The following RABGAP1L variants were observed in gnomAD, a reference collection of about 807,000 sequenced individuals.
The protein encoded by RABGAP1L is rab GTPase-activating protein 1-like.
In RABGAP1L, 63 loss-of-function variants were observed where a neutral mutation model predicts 137.7. The observed-to-expected ratio is 0.46, with a 90% CI of 0.37 to 0.56. The LOEUF is 0.56. RABGAP1L is among the 20% of genes least tolerant of loss of function. The pLI, the probability that RABGAP1L is intolerant of heterozygous loss-of-function variation, is 0.00. For missense variants in RABGAP1L, 1,095 were observed against 1,244.0 expected (o/e 0.88, Z 1.80); for synonymous variants, 431 against 433.7 (o/e 0.99, Z 0.08).
At chr1:174,821,574 A>G (rs1691030511) in intron 19 of RABGAP1L, among the ~76,000 whole-genome samples, 1 of 152,194 alleles carries the variant, frequency 6.6e-6, no homozygotes, top group Non-Finnish European at 1.5e-5. Flanking sequence ...TCATAACTGG[A>G]TTTGAATGTT....
chr1:174,684,119 AC>A (rs2148481765), intron 15 of RABGAP1L, among the ~76,000 whole-genome samples: 1 of 152,324 alleles, frequency 6.6e-6, no homozygotes, highest in Admixed American at 6.5e-5. Context: ...GTAGGCATGA[AC>A]TTATAATTTT....
intron 18 of RABGAP1L, among the ~76,000 whole-genome samples, chr1:174,786,807 T>C (rs1180912598): frequency 6.6e-6 from 1 of 152,220 alleles, no homozygotes; most frequent in Non-Finnish European, 1.5e-5. Flanking sequence ...CCTAGTTTAA[T>C]ATATATATTT....
intron 13 of RABGAP1L, among the ~76,000 whole-genome samples, chr1:174,460,949 AGAAG>A (rs1304511084): frequency 6.6e-6 from 1 of 152,208 alleles, no homozygotes; most frequent in African/African-American, 2.4e-5. Flanking sequence ...TCTTTATTTC[AGAAG>A]TCTTTAAGCT....
At chr1:174,674,411 A>G (rs1288275716) in intron 14 of RABGAP1L, among the ~76,000 whole-genome samples, 2 of 149,986 alleles carry the variant, frequency 1.3e-5, no homozygotes, top group Non-Finnish European at 3.0e-5. Context: ...TACAAAGGGC[A>G]TGAACTCATC....
chr1:174,407,917 G>T (rs1260421051), intron 13 of RABGAP1L, among the ~76,000 whole-genome samples: 4 of 152,096 alleles, frequency 2.6e-5, no homozygotes, highest in African/African-American at 7.2e-5. Flanking sequence ...TGCTCACATG[G>T]AGATGATTAG....
At chr1:174,937,632 A>ATATATATATATATATATC (rs1190513202) in intron 19 of RABGAP1L, among the ~76,000 whole-genome samples, 2 of 128,600 alleles carry the variant, frequency 1.6e-5, no homozygotes, top group Non-Finnish European at 3.2e-5. Context: ...ATATATATAT[A>ATATATATATATATATATC]TATCTTGCAG....
intron 13 of RABGAP1L, among the ~76,000 whole-genome samples, chr1:174,505,624 T>A (rs2147781439): frequency 6.6e-6 from 1 of 152,222 alleles, no homozygotes; most frequent in Non-Finnish European, 1.5e-5. Context: ...CCTGTTAGAA[T>A]GACTGTTAGC....
At chr1:174,266,017 A>C (rs1378151890) in intron 7 of RABGAP1L, among the ~76,000 whole-genome samples, 1 of 152,216 alleles carries the variant, frequency 6.6e-6, no homozygotes, top group Non-Finnish European at 1.5e-5. Flanking sequence ...GAATGAAAAG[A>C]GTAACCAATT....
At chr1:174,395,404 A>G (rs1025987416) in intron 13 of RABGAP1L, among the ~76,000 whole-genome samples, 1 of 152,088 alleles carries the variant, frequency 6.6e-6, no homozygotes, top group Non-Finnish European at 1.5e-5. Context: ...TTAATTTAAT[A>G]TGTTCCTTCA....
At position 174,635,730 on chromosome 1, in the gene RABGAP1L, A is replaced by G. The variant is rs1673962053; in HGVS notation, c.1711-1645A>G. On this transcript the variant is annotated intron_variant, in intron 13 of 25. Transcript: ENST00000681986. ...ATTTGTAATATGTTCAATGTTTGCT[A>G]GGAAATTTGGAAGTTTTTGGTTTGC... is the stretch of plus-strand genomic sequence containing the variant. 1.3e-5 allele frequency among the ~76,000 whole-genome samples: 2 copies of G among 152,146 alleles called. 1 individual carries two copies. Among genetic ancestry groups the G allele is most frequent in the South Asian group, 4.1e-4 (2 of 4,826 alleles).
chr1:174,179,522 A>C (rs933682950), intron 1 of RABGAP1L, among the ~76,000 whole-genome samples: 3 of 150,366 alleles, frequency 2.0e-5, no homozygotes, highest in African/African-American at 7.4e-5. Context: ...TTACTGTTTC[A>C]TTAAAGACAG....
intron 19 of RABGAP1L, among the ~76,000 whole-genome samples, chr1:174,883,982 T>C (rs1199067989): frequency 6.6e-6 from 1 of 152,168 alleles, no homozygotes; most frequent in Non-Finnish European, 1.5e-5. Context: ...ATGGGAAAGT[T>C]AGGTTATCAA....
At chr1:174,323,117 GT>G (rs973456695) in intron 11 of RABGAP1L, among the ~76,000 whole-genome samples, 12 of 152,032 alleles carry the variant, frequency 7.9e-5, no homozygotes, top group African/African-American at 2.9e-4. Context: ...GTGAAAAACA[GT>G]TTTCACGTCT....
intron 19 of RABGAP1L, among the ~76,000 whole-genome samples, chr1:174,917,105 A>G (rs541099691): frequency 6.6e-6 from 1 of 152,252 alleles, no homozygotes; most frequent in African/African-American, 2.4e-5. Flanking sequence ...AAGGACACTA[A>G]TAATCATGGG....
At chr1:174,662,666 T>G (rs1273482660) in intron 14 of RABGAP1L, among the ~76,000 whole-genome samples, 1 of 152,180 alleles carries the variant, frequency 6.6e-6, no homozygotes, top group Non-Finnish European at 1.5e-5. Context: ...AGTGCTGGGA[T>G]TACAGGCATT....
intron 10 of RABGAP1L, among the ~76,000 whole-genome samples, chr1:174,296,238 A>G (rs905581530): frequency 4.6e-5 from 7 of 152,206 alleles, no homozygotes; most frequent in Admixed American, 3.3e-4. Flanking sequence ...GACTTGGACA[A>G]TTTCTGAGGA....
chr1:174,349,024 G>C (rs1214439989), intron 11 of RABGAP1L, among the ~76,000 whole-genome samples: 5 of 150,064 alleles, frequency 3.3e-5, no homozygotes, highest in South Asian at 2.1e-4. Context: ...CTCACCTCCC[G>C]GACAGGGCGG....
chr1:174,290,810 G>A lies in RABGAP1L; in HGVS notation c.1323+12031G>A, dbSNP rs375832557. On this transcript the variant is annotated intron_variant, in intron 10 of 25. Transcript: ENST00000681986. Reference sequence around the variant, plus strand: ...GAGTTTCGCTCCTGTTGCCCAGGCTGAAGTGCAATGGCGAGATCTCGGCTC... The same window carrying A: ...GAGTTTCGCTCCTGTTGCCCAGGCTAAAGTGCAATGGCGAGATCTCGGCTC... 7.3e-5 allele frequency among the ~76,000 whole-genome samples: 11 copies of A among 149,782 alleles called. No homozygotes were observed. In the East Asian group the frequency reaches 2.0e-3, roughly 27 times the overall value.
intron 1 of RABGAP1L, among the ~76,000 whole-genome samples, chr1:174,196,591 T>C (rs1667713233): frequency 6.6e-6 from 1 of 150,984 alleles, no homozygotes; most frequent in Non-Finnish European, 1.5e-5. Context: ...TTTTTTTTTC[T>C]CTTTACTGAA....
Sources: allele counts gnomAD v4.1 joint callset (sites outside exome capture counted in the v4.1 genomes callset), GRCh38; gene constraint gnomAD v4.1.1; transcripts MANE v1.5; gene names NCBI Gene and HGNC (gene_info 2026-07-23, HGNC 2026-07-21).